The following AGO3 variants were observed in gnomAD, a reference collection of about 807,000 sequenced individuals.
AGO3 encodes the protein protein argonaute-3.
Under a neutral mutation model 105.5 loss-of-function variants are expected in AGO3, and 16 were observed. That is an observed-to-expected ratio of 0.15 (90% CI 0.10 to 0.23). The LOEUF is 0.23. Among genes scored for constraint, AGO3 ranks in the 10% least tolerant of loss-of-function variants. The pLI, the probability that AGO3 is intolerant of heterozygous loss-of-function variation, is 1.00. For synonymous variants in AGO3, 340 were observed against 367.3 expected (o/e 0.93, Z 0.85); for missense variants, 534 against 1,088.0 (o/e 0.49, Z 7.16).
chr1:36,021,684 T>C (rs1176466710), intron 11 of AGO3, among the ~76,000 whole-genome samples: 1 of 152,206 alleles, frequency 6.6e-6, no homozygotes, highest in East Asian at 1.9e-4. Context: ...TTGTCCAATA[T>C]GTCAAAGATT....
chr1:36,028,391 T>TCCC (rs771926822), intron 12 of AGO3, among the ~76,000 whole-genome samples: 1 of 57,178 alleles, frequency 1.7e-5, no homozygotes, highest in African/African-American at 6.8e-5. Flanking sequence ...ATGCTATCCC[T>TCCC]CCCCCCCCCC....
chr1:36,006,424 C>G (rs907941130), intron 6 of AGO3, among the ~76,000 whole-genome samples: 1 of 151,248 alleles, frequency 6.6e-6, no homozygotes, highest in Non-Finnish European at 1.5e-5. Flanking sequence ...ATATATATAT[C>G]TATATATGTG....
In AGO3 at chr1:35,953,718, G is replaced by T. The variant is rs111243652; in HGVS notation, c.191+7855G>T. 9.4e-3 allele frequency among the ~76,000 whole-genome samples: 1,436 copies of T among 151,986 alleles called. 23 individuals carry two copies. Among genetic ancestry groups the T allele is most frequent in the African/African-American group, 0.032 (1,339 of 41,448 alleles). ...GTAGAGATGGGGTTTCACTATATTGGCCAGGCTGGTCTCGAACCTCTGACC... is the reference window on the plus strand; with the variant it reads ...GTAGAGATGGGGTTTCACTATATTGTCCAGGCTGGTCTCGAACCTCTGACC... On this transcript the variant is annotated intron_variant, in intron 2 of 18. Coordinates refer to ENST00000373191, the MANE Select transcript of AGO3 (RefSeq NM_024852.4).
intron 11 of AGO3, among the ~76,000 whole-genome samples, chr1:36,020,922 A>G (rs1343270158): frequency 6.6e-6 from 1 of 151,368 alleles, no homozygotes; most frequent in Non-Finnish European, 1.5e-5. Flanking sequence ...CCAGCCTGCC[A>G]TTACTTTATT....
At chr1:35,939,304 T>C (rs1646210146) in intron 1 of AGO3, among the ~76,000 whole-genome samples, 1 of 152,154 alleles carries the variant, frequency 6.6e-6, no homozygotes, top group Non-Finnish European at 1.5e-5. Flanking sequence ...TCATTGCTTA[T>C]TCATGCAACA....
At chr1:35,967,140 T>G in intron 3 of AGO3, 65 bp downstream of exon 3, 2 of 1,533,470 alleles carry the variant, frequency 1.3e-6, no homozygotes, top group Non-Finnish European at 1.8e-6. Context: ...CACGCATTTA[T>G]TACCATTTTT....
intron 11 of AGO3, among the ~76,000 whole-genome samples, chr1:36,022,975 CAT>C (rs1471061815): frequency 6.7e-6 from 1 of 149,954 alleles, no homozygotes; most frequent in Non-Finnish European, 1.5e-5. Context: ...AGGGCATAGA[CAT>C]AGAGCACAAA....
At chr1:35,984,114 A>G (rs914951029) in intron 5 of AGO3, among the ~76,000 whole-genome samples, 2 of 152,218 alleles carry the variant, frequency 1.3e-5, no homozygotes, top group African/African-American at 4.8e-5. Context: ...AGTAATGATT[A>G]TACAAGGCAA....
At chr1:36,054,645 C>T (rs1642854830) in intron 17 of AGO3, among the ~76,000 whole-genome samples, 1 of 152,254 alleles carries the variant, frequency 6.6e-6, no homozygotes, top group Non-Finnish European at 1.5e-5. Flanking sequence ...CTTTGGGAGG[C>T]TGAGGCAGGC....
At chr1:36,022,921 CAAAAAAAAAAACA>C (rs1443217359) in intron 11 of AGO3, among the ~76,000 whole-genome samples, 15 of 7,068 alleles carry the variant, frequency 2.1e-3, no homozygotes, top group Admixed American at 7.6e-3. Context: ...GACTCCGTCT[CAAAAAAAAAAACA>C]AAAAAAAAAA....
chr1:35,935,573 T>G (rs188160648), intron 1 of AGO3, among the ~76,000 whole-genome samples: 1 of 152,230 alleles, frequency 6.6e-6, no homozygotes, highest in Non-Finnish European at 1.5e-5. Context: ...AACATTGCGT[T>G]TTTTAGTTAC....
chr1:35,984,457 GTTC>G (rs1184825395), intron 5 of AGO3: 1 of 152,214 alleles, frequency 6.6e-6, no homozygotes, highest in African/African-American at 2.4e-5. Context: ...GCTAACTTCT[GTTC>G]TTCTTACAGG....
rs114343589 is a variant in AGO3, at chr1:36,024,810, A to G, written c.1407-2304A>G. ...GCGTAAAATCAGTATGACATTTCATATCTTTCACCAGTCTCTTAAGTCCTT... is the reference window on the plus strand; with the variant it reads ...GCGTAAAATCAGTATGACATTTCATGTCTTTCACCAGTCTCTTAAGTCCTT... On this transcript the variant is annotated intron_variant, in intron 11 of 18. Coordinates refer to ENST00000373191, the MANE Select transcript of AGO3 (RefSeq NM_024852.4). Among the ~76,000 whole-genome samples, 1,067 of 152,226 alleles carry G rather than the reference A, an allele frequency of 7.0e-3. 11 individuals are homozygous for G. Among genetic ancestry groups the G allele is most frequent in the African/African-American group, 0.024 (1,012 of 41,524 alleles).
chr1:35,974,318 G>A (rs1176732796), intron 5 of AGO3, among the ~76,000 whole-genome samples: 1 of 151,762 alleles, frequency 6.6e-6, no homozygotes, highest in East Asian at 1.9e-4. Flanking sequence ...TTTGATTATT[G>A]TGCCTTTTGC....
chr1:35,945,596 A>G, intron 1 of AGO3, 96 bp from the exon 2 acceptor site: 1 of 1,231,988 alleles, frequency 8.1e-7, no homozygotes. Context: ...TTTAGCCATT[A>G]TCAGCTGTAC....
intron 11 of AGO3, among the ~76,000 whole-genome samples, chr1:36,020,634 G>T (rs1209611306): frequency 1.3e-5 from 2 of 151,126 alleles, no homozygotes; most frequent in African/African-American, 4.9e-5. Context: ...TTTATTTATT[G>T]AGACGGAATC....
At chr1:35,953,263 TA>T (rs1416749258) in intron 2 of AGO3, among the ~76,000 whole-genome samples, 2 of 151,800 alleles carry the variant, frequency 1.3e-5, no homozygotes, top group African/African-American at 2.4e-5. Flanking sequence ...ACATCATTTC[TA>T]CTAAAAAGAA....
intron 5 of AGO3, among the ~76,000 whole-genome samples, chr1:35,974,548 A>G (rs1485339600): frequency 6.6e-6 from 1 of 152,152 alleles, no homozygotes; most frequent in Non-Finnish European, 1.5e-5. Flanking sequence ...TAAGTGCTTT[A>G]TGTCGTGTCA....
chr1:35,958,659 A>G (rs997281030), intron 2 of AGO3, among the ~76,000 whole-genome samples: 28 of 152,122 alleles, frequency 1.8e-4, no homozygotes, highest in Admixed American at 2.6e-4. Flanking sequence ...TCTCAAAAAA[A>G]AAAAAAGAAA....
Sources: allele counts gnomAD v4.1 joint callset (sites outside exome capture counted in the v4.1 genomes callset), GRCh38; gene constraint gnomAD v4.1.1; transcripts MANE v1.5; gene names NCBI Gene and HGNC (gene_info 2026-07-23, HGNC 2026-07-21).